The following SHISA9 variants were observed in gnomAD, a reference collection of about 807,000 sequenced individuals.
The protein encoded by SHISA9 is protein shisa-9.
SHISA9 carries 13 observed loss-of-function variants against 38.0 expected under a neutral mutation model. That is an observed-to-expected ratio of 0.34 (90% CI 0.22 to 0.54). The LOEUF (loss-of-function observed/expected upper bound fraction) is 0.54. Among genes scored for constraint, SHISA9 ranks in the 20% least tolerant of loss-of-function variants. The pLI is 0.91. For missense variants in SHISA9, 538 were observed against 575.8 expected (o/e 0.93, Z 0.67); for synonymous variants, 275 against 242.0 (o/e 1.14, Z -1.27).
At chr16:13,019,972 C>A (rs895090202) in intron 2 of SHISA9, among the ~76,000 whole-genome samples, 3 of 85,282 alleles carry the variant, frequency 3.5e-5, no homozygotes, top group Non-Finnish European at 6.7e-5. Context: ...TCCTTCTTTC[C>A]TTCCTTCCTT....
chr16:13,110,471 A>T (rs933627966), intron 2 of SHISA9, among the ~76,000 whole-genome samples: 2 of 152,222 alleles, frequency 1.3e-5, no homozygotes, highest in African/African-American at 2.4e-5. Context: ...TGGTATGAAA[A>T]GAATGTGATG....
chr16:13,202,516 A>G (rs1266410590), intron 2 of SHISA9, among the ~76,000 whole-genome samples: 2 of 135,194 alleles, frequency 1.5e-5, no homozygotes, highest in South Asian at 4.5e-4. Flanking sequence ...AAATATACAC[A>G]TAGGTTATAT....
intron 3 of SHISA9, among the ~76,000 whole-genome samples, chr16:13,208,246 C>T (rs2051084505): frequency 6.6e-6 from 1 of 152,058 alleles, no homozygotes; most frequent in Non-Finnish European, 1.5e-5. Context: ...ATGCCTTAAA[C>T]ATGTGCCATT....
intron 2 of SHISA9, among the ~76,000 whole-genome samples, chr16:13,182,394 G>C (rs962462728): frequency 2.0e-5 from 3 of 152,272 alleles, no homozygotes; most frequent in Admixed American, 6.5e-5. Flanking sequence ...TTTCCTCTTT[G>C]ATCAGGCATT....
intron 2 of SHISA9, among the ~76,000 whole-genome samples, chr16:13,056,112 G>C (rs2073306522): frequency 6.6e-6 from 1 of 152,216 alleles, no homozygotes; most frequent in African/African-American, 2.4e-5. Context: ...ACACATAGCA[G>C]GTGCTTGGGA....
Position 13,203,504 on chromosome 16 carries a change from C to G in SHISA9, c.802C>G (p.Pro268Ala). The change falls in exon 3 of 5, where the codon CCA becomes GCA. Residue 268 changes from proline to alanine, a missense_variant. Physicochemically the swap from Pro to Ala is conservative, Grantham distance 27 (BLOSUM62 -1). Coordinates refer to ENST00000558583, the MANE Select transcript of SHISA9 (RefSeq NM_001145204.3). The part of the protein sequence containing the change: ...GQISNPYEQQ[P>A]PGKELNKYAS... Reference sequence around the variant, plus strand: ...GATCTCCAACCCCTATGAACAGCAGCCACCAGGAAAAGAGCTCAACAAGTA... The same window carrying G: ...GATCTCCAACCCCTATGAACAGCAGGCACCAGGAAAAGAGCTCAACAAGTA... 6.5e-7 allele frequency: 1 copy of G among 1,548,266 alleles called. No homozygotes were observed. Among genetic ancestry groups the G allele is most frequent in the Middle Eastern group, 1.7e-4 (1 of 5,974 alleles).
intron 4 of SHISA9, among the ~76,000 whole-genome samples, chr16:13,232,384 A>G (rs1168232976): frequency 6.6e-6 from 1 of 152,244 alleles, no homozygotes; most frequent in Non-Finnish European, 1.5e-5. Flanking sequence ...TGGCACATGT[A>G]TACCTATGTA....
chr16:13,346,543 GT>G, the SHISA9 span, among the ~76,000 whole-genome samples: 1 of 152,188 alleles, frequency 6.6e-6, no homozygotes, highest in Non-Finnish European at 1.5e-5. Context: ...CACAAAGGAT[GT>G]CAAGAACAAA....
At chr16:13,230,875 G>T (rs995296209) in intron 4 of SHISA9, among the ~76,000 whole-genome samples, 2 of 152,162 alleles carry the variant, frequency 1.3e-5, no homozygotes, top group Admixed American at 1.3e-4. Context: ...CATTGCCATG[G>T]CATTTGTAAA....
intron 2 of SHISA9, among the ~76,000 whole-genome samples, chr16:13,001,410 TCTC>T (rs1049485284): frequency 1.3e-5 from 2 of 152,134 alleles, no homozygotes; most frequent in African/African-American, 4.8e-5. Flanking sequence ...CGGTGTTTCT[TCTC>T]CTCTCCTGAG....
intron 2 of SHISA9, among the ~76,000 whole-genome samples, chr16:13,181,795 G>A (rs182275142): frequency 6.6e-6 from 1 of 152,222 alleles, no homozygotes; most frequent in East Asian, 1.9e-4. Flanking sequence ...TTTGAAAAAT[G>A]TTTTGAAAGG....
chr16:13,044,486 G>A (rs1395021287), intron 2 of SHISA9, among the ~76,000 whole-genome samples: 1 of 152,216 alleles, frequency 6.6e-6, no homozygotes, highest in Non-Finnish European at 1.5e-5. Context: ...ATAGGGGAGT[G>A]AATGAAATGG....
At chr16:13,430,533 C>T in the SHISA9 span, among the ~76,000 whole-genome samples, 8 of 152,188 alleles carry the variant, frequency 5.3e-5, no homozygotes, top group Middle Eastern at 6.8e-3. Context: ...GGTTTTCAGA[C>T]GTAATGTCTG....
chr16:13,250,846 A>G, the SHISA9 span, among the ~76,000 whole-genome samples: 3 of 152,226 alleles, frequency 2.0e-5, no homozygotes, highest in South Asian at 6.2e-4. Flanking sequence ...TGGCTTGTAT[A>G]ATGTGGTACT....
Position 13,201,806 on chromosome 16 carries a change from C to CA in SHISA9, c.692-1587dup, listed in dbSNP as rs1472600149. On this transcript the variant is annotated intron_variant, in intron 2 of 4. Coordinates refer to ENST00000558583, the MANE Select transcript of SHISA9 (RefSeq NM_001145204.3). ...TGAGGTGTGTGAAGCATATTGACCC[C>CA]AGGGCAGTGGCTCCTATCAGCCAAG... is the stretch of plus-strand genomic sequence containing the variant. Among the ~76,000 whole-genome samples, 7 of 123,710 alleles carry CA rather than the reference C, an allele frequency of 5.7e-5. 1 individual carries two copies. The highest frequency in any genetic ancestry group is 2.0e-4 in the African/African-American group (6 of 30,270). 81.2% of individuals were successfully genotyped at this position (123,710 alleles called of 152,430 possible).
At chr16:12,928,957 T>C (rs2071428370) in intron 2 of SHISA9, among the ~76,000 whole-genome samples, 1 of 152,222 alleles carries the variant, frequency 6.6e-6, no homozygotes, top group Admixed American at 6.5e-5. Context: ...TTTCAGATAC[T>C]GGTACTATTC....
At chr16:13,370,764 G>A in the SHISA9 span, among the ~76,000 whole-genome samples, 1 of 152,088 alleles carries the variant, frequency 6.6e-6, no homozygotes, top group Non-Finnish European at 1.5e-5. Flanking sequence ...GAATGGGTTT[G>A]CATTAAATAT....
At chr16:13,060,032 T>C (rs891079279) in intron 2 of SHISA9, among the ~76,000 whole-genome samples, 1 of 152,166 alleles carries the variant, frequency 6.6e-6, no homozygotes, top group Non-Finnish European at 1.5e-5. Context: ...TAATTCTGAT[T>C]ATTACCCCCA....
At chr16:13,075,502 C>T (rs951729509) in intron 2 of SHISA9, among the ~76,000 whole-genome samples, 7 of 152,090 alleles carry the variant, frequency 4.6e-5, no homozygotes, top group Admixed American at 1.3e-4. Context: ...GACGGGAAGA[C>T]GCAGCAGGCT....
Sources: allele counts gnomAD v4.1 joint callset (sites outside exome capture counted in the v4.1 genomes callset), GRCh38; gene constraint gnomAD v4.1.1; transcripts MANE v1.5; gene names NCBI Gene and HGNC (gene_info 2026-07-23, HGNC 2026-07-21).